The following STOX2 variants were observed in gnomAD, a reference collection of about 807,000 sequenced individuals.
STOX2 encodes the protein storkhead box 2.
A neutral mutation model predicts 60.9 loss-of-function variants in STOX2; 28 were observed. The observed-to-expected ratio is 0.46, with a 90% CI of 0.34 to 0.63. The LOEUF (loss-of-function observed/expected upper bound fraction) is 0.63. Among genes scored for constraint, STOX2 ranks in the 30% least tolerant of loss-of-function variants. STOX2 has a pLI of 0.01. For synonymous variants in STOX2, 472 were observed against 463.9 expected, an observed-to-expected ratio of 1.02 and a Z score of -0.22; for missense variants, 1,024 against 1,187.7, an observed-to-expected ratio of 0.86 and a Z score of 2.03.
intron 1 of STOX2, among the ~76,000 whole-genome samples, chr4:183,947,453 A>G (rs1318181550): frequency 6.6e-6 from 1 of 152,084 alleles, no homozygotes; most frequent in African/African-American, 2.4e-5. Context: ...ACATCTCAAA[A>G]TATGCCCTGT....
At chr4:183,982,654 G>A (rs1294274880) in intron 1 of STOX2, among the ~76,000 whole-genome samples, 1 of 152,228 alleles carries the variant, frequency 6.6e-6, no homozygotes, top group Non-Finnish European at 1.5e-5. Context: ...CTATAGCACA[G>A]ATAGTCTTTT....
At chr4:183,949,856 C>T (rs1743016410) in intron 1 of STOX2, among the ~76,000 whole-genome samples, 1 of 152,104 alleles carries the variant, frequency 6.6e-6, no homozygotes, top group African/African-American at 2.4e-5. Flanking sequence ...GTCATGCTTC[C>T]CATTTTTCTG....
At position 184,017,216 on chromosome 4, in the gene STOX2, C is replaced by T. The variant is rs1290557345; in HGVS notation, c.2713C>T (p.Pro905Ser). The T allele has an allele frequency of 6.2e-7, 1 of 1,610,728 alleles. No homozygotes were observed. The highest frequency in any genetic ancestry group is 2.2e-5 in the East Asian group (1 of 44,738). Residue 905 changes from proline (P) to serine (S), a missense_variant, in exon 4 of 4, where the codon CCG becomes TCG. Transcript: ENST00000308497. ...CAACTTCCGAGCGAGCGCGGAGCCC[C>T]CGACAAATGAAGCTGAGAAGCTACA... is the stretch of plus-strand genomic sequence containing the variant. ...AFNFRASAEP[P>S]TNEAEKLQKP... is the part of the protein sequence containing the mutation.
intron 1 of STOX2, among the ~76,000 whole-genome samples, chr4:183,929,478 T>C (rs958807676): frequency 6.6e-6 from 1 of 152,176 alleles, no homozygotes; most frequent in African/African-American, 2.4e-5. Flanking sequence ...CATACCTGAG[T>C]GGAGTTTGGG....
Position 183,825,338 on chromosome 4 carries a change from G to T in STOX2, c.364+27283G>T, listed in dbSNP as rs1462785052. 2.0e-5 allele frequency among the ~76,000 whole-genome samples: 3 copies of T among 152,198 alleles called. No homozygotes were observed. The highest frequency in any genetic ancestry group is 4.4e-5 in the Non-Finnish European group (3 of 68,030). ...TGCAGCTGATGAGGCTTCCCAAGCA[G>T]TAGGTTGGGAGGAAGGTGGGCCGGG... On this transcript the variant is annotated intron_variant, in intron 1 of 2. Transcript: ENST00000513034. The surrounding 1 kb of genome is among the most constrained non-coding windows in gnomAD (Gnocchi z 4.1).
chr4:183,904,857 T>C (rs1039161952), upstream of STOX2, among the ~76,000 whole-genome samples: 3 of 152,244 alleles, frequency 2.0e-5, no homozygotes, highest in Non-Finnish European at 4.4e-5. Flanking sequence ...CCTAACCAGC[T>C]AGAATCCACT....
At chr4:184,006,111 A>T (rs2111236020) in intron 2 of STOX2, among the ~76,000 whole-genome samples, 1 of 152,330 alleles carries the variant, frequency 6.6e-6, no homozygotes, top group Non-Finnish European at 1.5e-5. Context: ...ATCATTTGGA[A>T]GGCCTACAGT....
intron 3 of STOX2, 60 bp from the exon 4 acceptor site, chr4:184,017,029 C>A: frequency 7.2e-7 from 1 of 1,396,754 alleles, no homozygotes; most frequent in Non-Finnish European, 9.6e-7. Context: ...TCCTCTGGGG[C>A]TCAATTTATA....
At chr4:183,955,133 TTTCTC>T (rs1743211049) in intron 1 of STOX2, among the ~76,000 whole-genome samples, 1 of 152,258 alleles carries the variant, frequency 6.6e-6, no homozygotes, top group African/African-American at 2.4e-5. Flanking sequence ...GATTTTATCT[TTTCTC>T]TTCCTGGTAG....
chr4:184,006,978 T>C (rs530801661), intron 2 of STOX2, among the ~76,000 whole-genome samples: 8 of 120,526 alleles, frequency 6.6e-5, no homozygotes, highest in East Asian at 5.2e-4. Context: ...ATCCCGCCAC[T>C]GCACTCCAGC....
intron 1 of STOX2, among the ~76,000 whole-genome samples, chr4:183,977,088 A>G (rs887737619): frequency 2.6e-5 from 4 of 152,190 alleles, no homozygotes; most frequent in Non-Finnish European, 4.4e-5. Flanking sequence ...TATTAAATGG[A>G]TATATTGTGT....
intron 1 of STOX2, among the ~76,000 whole-genome samples, chr4:183,921,276 G>A (rs1332767588): frequency 1.3e-5 from 2 of 152,182 alleles, no homozygotes; most frequent in African/African-American, 4.8e-5. Flanking sequence ...ATAAAATCAA[G>A]TTCAAGGTAA....
intron 1 of STOX2, among the ~76,000 whole-genome samples, chr4:183,932,213 T>A (rs1181038886): frequency 6.6e-6 from 1 of 151,916 alleles, no homozygotes; most frequent in African/African-American, 2.4e-5. Flanking sequence ...GGAGCAGCTA[T>A]GGGGTTGGGG....
chr4:183,937,267 C>T (rs1560892512), intron 1 of STOX2, among the ~76,000 whole-genome samples: 1 of 152,170 alleles, frequency 6.6e-6, no homozygotes, highest in African/African-American at 2.4e-5. Flanking sequence ...GATAACCTGT[C>T]ATTTAAAAAA....
chr4:183,900,636 A>G (rs771399548), upstream of STOX2, among the ~76,000 whole-genome samples: 36 of 152,312 alleles, frequency 2.4e-4, no homozygotes, highest in Non-Finnish European at 4.0e-4. Flanking sequence ...GAAAAATCAA[A>G]ATTTCCTTAA....
chr4:183,911,229 C>T (rs151176639), intron 1 of STOX2, among the ~76,000 whole-genome samples: 74 of 152,226 alleles, frequency 4.9e-4, no homozygotes, highest in African/African-American at 1.6e-3. Flanking sequence ...GCTCATTTTG[C>T]GATACAATCC....
intron 1 of STOX2, among the ~76,000 whole-genome samples, chr4:183,971,268 C>T (rs1187319446): frequency 1.3e-5 from 2 of 152,186 alleles, no homozygotes; most frequent in East Asian, 1.9e-4. Context: ...TTGTAATGCC[C>T]TCAGCCAGGG....
Position 184,018,927 on chromosome 4 carries a change from A to G in STOX2, c.*1643A>G, listed in dbSNP as rs1021505714. On this transcript the variant is annotated 3_prime_UTR_variant, in exon 4 of 4. Coordinates refer to ENST00000308497, the MANE Select transcript of STOX2 (RefSeq NM_020225.3). ...TTGGGAGCCATACACCATAAAATATATATATCCCAAAATAAATCTAGAATA... is the reference window on the plus strand; with the variant it reads ...TTGGGAGCCATACACCATAAAATATGTATATCCCAAAATAAATCTAGAATA... 5.3e-5 allele frequency: 8 copies of G among 152,230 alleles called. No individual in the cohort carries two copies. Among genetic ancestry groups the G allele is most frequent in the East Asian group, 3.8e-4 (2 of 5,206 alleles). 9.4% of individuals were successfully genotyped at this position (152,230 alleles called of 1,614,324 possible).
intron 1 of STOX2, among the ~76,000 whole-genome samples, chr4:183,889,210 C>A (rs182853810): frequency 6.6e-6 from 1 of 151,824 alleles, no homozygotes; most frequent in African/African-American, 2.4e-5. Flanking sequence ...GGGTAGTTGG[C>A]GATATCATTA....
Sources: allele counts gnomAD v4.1 joint callset (sites outside exome capture counted in the v4.1 genomes callset), GRCh38; gene constraint gnomAD v4.1.1; non-coding constraint Gnocchi (gnomAD v3.1); transcripts MANE v1.5; gene names NCBI Gene and HGNC (gene_info 2026-07-23, HGNC 2026-07-21).